The following RASA3 variants were observed in gnomAD, a reference collection of about 807,000 sequenced individuals.
RASA3 encodes RAS p21 protein activator 3, also known as ras GTPase-activating protein 3.
Under a neutral mutation model 110.0 loss-of-function variants are expected in RASA3, and 73 were observed. That is an observed-to-expected ratio of 0.66 (90% confidence interval 0.55 to 0.81). RASA3 has a LOEUF of 0.81. Ranked by LOEUF, RASA3 falls within the 30% of genes least tolerant of loss-of-function variation. The probability of loss-of-function intolerance (pLI) is 0.00; values close to 1 mark genes in which losing one functional copy is unlikely to be tolerated. For missense variants in RASA3, 976 were observed against 1,113.2 expected, an observed-to-expected ratio of 0.88 and a Z score of 1.75; for synonymous variants, 500 against 451.4, an observed-to-expected ratio of 1.11 and a Z score of -1.37.
intron 7 of RASA3, among the ~76,000 whole-genome samples, chr13:114,024,789 G>A (rs1475254741): frequency 2.0e-5 from 3 of 152,228 alleles, no homozygotes; most frequent in Non-Finnish European, 2.9e-5. Context: ...GAAGTGAAAC[G>A]CGTGAGGTCT....
chr13:113,999,571 G>A lies in RASA3; in HGVS notation c.1932+14C>T, dbSNP rs2053334995. 18 of 1,612,688 alleles carry A rather than the reference G, an allele frequency of 1.1e-5. No homozygotes were observed. The highest frequency in any genetic ancestry group is 1.4e-5 in the Non-Finnish European group (17 of 1,179,198). ...CCTCAACCCGAAAGAGAGGCTTGGG[G>A]GCCCCACACTCACGTTTTTCATTTT... On this transcript the variant is annotated intron_variant, in intron 20 of 23. Coordinates refer to ENST00000334062, the MANE Select transcript of RASA3 (RefSeq NM_007368.4).
intron 21 of RASA3, among the ~76,000 whole-genome samples, chr13:113,994,047 T>C: frequency 6.6e-6 from 1 of 152,342 alleles, no homozygotes; most frequent in East Asian, 1.9e-4. Flanking sequence ...AAGGCAGAAA[T>C]GCTTATTATA....
intron 1 of RASA3, among the ~76,000 whole-genome samples, chr13:114,089,645 C>G (rs1009130406): frequency 1.3e-5 from 2 of 152,226 alleles, no homozygotes; most frequent in Non-Finnish European, 2.9e-5. Context: ...GGCCGCCCCA[C>G]AGCCTGCACA....
chr13:113,995,860 G>A (rs1362219324), intron 21 of RASA3, among the ~76,000 whole-genome samples: 1 of 93,228 alleles, frequency 1.1e-5, no homozygotes, highest in Non-Finnish European at 2.3e-5. Context: ...CGGGGGGCCC[G>A]GCTGATGGGG....
At chr13:114,123,980 C>T (rs2080413643) in intron 1 of RASA3, among the ~76,000 whole-genome samples, 1 of 152,194 alleles carries the variant, frequency 6.6e-6, no homozygotes, top group African/African-American at 2.4e-5. Flanking sequence ...GTGCAGGAGT[C>T]GTTCCTCGAT....
At chr13:114,035,493 C>T (rs1014339634) in intron 4 of RASA3, 9 of 152,298 alleles carry the variant, frequency 5.9e-5, no homozygotes, top group African/African-American at 1.4e-4. Flanking sequence ...CCTGTGAACA[C>T]AGAACTGCCC....
chr13:114,011,454 C>A lies in RASA3; in HGVS notation c.1513-206G>T, dbSNP rs1372593691. Reference sequence around the variant, plus strand: ...GGAGCTGCTGAGACCATCCCGCAGGCAACATCCGACGGCACCGCGGTGACC... The same window carrying A: ...GGAGCTGCTGAGACCATCCCGCAGGAAACATCCGACGGCACCGCGGTGACC... On this transcript the variant is annotated intron_variant, in intron 15 of 23. Transcript: ENST00000334062. This position sits in a 1 kb window ranked among gnomAD's most constrained non-coding sequence, Gnocchi z 4.8. Among the ~76,000 whole-genome samples the A allele has an allele frequency of 6.6e-6, 1 of 152,110 alleles. No homozygotes were observed. Among genetic ancestry groups the A allele is most frequent in the Non-Finnish European group, 1.5e-5 (1 of 68,016 alleles).
chr13:114,017,895 A>C (rs1249056581), intron 11 of RASA3, among the ~76,000 whole-genome samples: 11 of 149,010 alleles, frequency 7.4e-5, no homozygotes. Flanking sequence ...CACTCACTCT[A>C]CCCGGGATTT....
chr13:114,087,402 G>C (rs1444567863), intron 1 of RASA3, among the ~76,000 whole-genome samples: 3 of 152,234 alleles, frequency 2.0e-5, no homozygotes, highest in African/African-American at 7.2e-5. Context: ...TTCTGAATGG[G>C]GGCTGTGTTT....
At position 114,011,361 on chromosome 13, in the gene RASA3, A is replaced by C. The variant is rs1258743010; in HGVS notation, c.1513-113T>G. 8.5e-6 allele frequency: 8 copies of C among 937,664 alleles called. No individual in the cohort carries two copies. The highest frequency in any genetic ancestry group is 1.3e-5 in the Non-Finnish European group (8 of 592,810). 58.1% of individuals were successfully genotyped at this position (937,664 alleles called of 1,614,324 possible). A position where few individuals can be genotyped will look rare whatever the true frequency, so the allele number is the denominator to read the frequency against. On this transcript the variant is annotated intron_variant, in intron 15 of 23. Coordinates refer to ENST00000334062, the MANE Select transcript of RASA3 (RefSeq NM_007368.4). This position sits in a 1 kb window ranked among gnomAD's most constrained non-coding sequence, Gnocchi z 4.8. ...ACCTCAGAGCTGCTGTGGCTTGTGC[A>C]TGAGCTACGGAGAAACAGGGGTAGC...
chr13:113,986,418 C>T (rs1166211488), intron 22 of RASA3, among the ~76,000 whole-genome samples: 2 of 60 alleles, frequency 0.033, no homozygotes, highest in Non-Finnish European at 0.083. Flanking sequence ...CTCACCCATC[C>T]GTCCATCCAC....
chr13:114,053,785 T>A (rs1479747655), intron 2 of RASA3, among the ~76,000 whole-genome samples: 1 of 152,194 alleles, frequency 6.6e-6, no homozygotes, highest in African/African-American at 2.4e-5. Context: ...TCAAACTTCA[T>A]CAAAATTAAA....
intron 9 of RASA3, among the ~76,000 whole-genome samples, chr13:114,020,968 AG>A (rs1390423745): frequency 6.6e-6 from 1 of 152,082 alleles, no homozygotes; most frequent in Non-Finnish European, 1.5e-5. Flanking sequence ...CTCGCGGCTC[AG>A]GGCCCCGCTT....
At chr13:113,996,842 G>A (rs1028190545) in intron 20 of RASA3, 103 bp from the exon 21 acceptor site, 2 of 1,068,732 alleles carry the variant, frequency 1.9e-6, no homozygotes, top group African/African-American at 3.1e-5. Flanking sequence ...AGTCGTAAGA[G>A]GGGACGCTGA....
At chr13:114,106,237 C>T (rs892980083) in intron 1 of RASA3, among the ~76,000 whole-genome samples, 6 of 152,232 alleles carry the variant, frequency 3.9e-5, no homozygotes, top group South Asian at 2.1e-4. Context: ...TATGTGTGCG[C>T]GCACCGTATC....
chr13:114,110,533 C>T (rs186861477), intron 1 of RASA3, among the ~76,000 whole-genome samples: 14 of 152,296 alleles, frequency 9.2e-5, no homozygotes, highest in South Asian at 2.1e-4. Context: ...CGCACTCGGC[C>T]GCCACCTTCC....
intron 4 of RASA3, among the ~76,000 whole-genome samples, chr13:114,034,465 C>A (rs1169534869): frequency 6.6e-6 from 1 of 152,228 alleles, no homozygotes; most frequent in African/African-American, 2.4e-5. Flanking sequence ...CCCCCGTGTG[C>A]TCTCCCGGCT....
At chr13:114,106,740 G>A (rs1223388645) in intron 1 of RASA3, among the ~76,000 whole-genome samples, 1 of 152,080 alleles carries the variant, frequency 6.6e-6, no homozygotes, top group Non-Finnish European at 1.5e-5. Flanking sequence ...GAACCAGCTG[G>A]GTGCAAACTA....
chr13:114,089,898 C>T (rs1441865312), intron 1 of RASA3, among the ~76,000 whole-genome samples: 5 of 151,510 alleles, frequency 3.3e-5, no homozygotes, highest in Admixed American at 6.6e-5. Flanking sequence ...TGGGACCACA[C>T]GGTCCTTCCC....
Sources: gnomAD v4.1 joint callset for allele counts (sites outside exome capture counted in the v4.1 genomes callset) on GRCh38, gnomAD v4.1.1 for gene constraint, Gnocchi (gnomAD v3.1) non-coding constraint, MANE v1.5 for transcripts, NCBI Gene and HGNC (gene_info 2026-07-23, HGNC 2026-07-21) for gene names.